Variants in RPTOR observed in about 807,000 individuals in gnomAD.
RPTOR encodes the protein regulatory-associated protein of mTOR.
Under a neutral mutation model 169.9 loss-of-function variants are expected in RPTOR, and 21 were observed. The observed-to-expected ratio is 0.12, with a 90% CI of 0.09 to 0.18. The LOEUF (loss-of-function observed/expected upper bound fraction) is 0.18, where lower values mean the gene tolerates loss of function less well. RPTOR is among the 10% of genes least tolerant of loss of function. RPTOR has a pLI of 1.00. For missense variants in RPTOR, 1,133 were observed against 1,855.9 expected (o/e 0.61, Z 7.16); for synonymous variants, 732 against 753.2 (o/e 0.97, Z 0.46).
At chr17:80,621,731 C>A (rs959971374) in intron 1 of RPTOR, among the ~76,000 whole-genome samples, 2 of 152,254 alleles carry the variant, frequency 1.3e-5, no homozygotes, top group African/African-American at 2.4e-5. Context: ...CACAGGGAGT[C>A]ACCATTGATC....
At chr17:80,735,819 A>T (rs1226965886) in intron 5 of RPTOR, among the ~76,000 whole-genome samples, 3 of 152,102 alleles carry the variant, frequency 2.0e-5, no homozygotes, top group Admixed American at 2.0e-4. Context: ...AGCCATGGAA[A>T]TAGCCTGAGA....
intron 1 of RPTOR, among the ~76,000 whole-genome samples, chr17:80,572,582 G>A (rs554026542): frequency 1.1e-4 from 16 of 152,038 alleles, no homozygotes; most frequent in East Asian, 1.9e-4. Context: ...AAAAGTAGCC[G>A]GGCATGGTGG....
intron 25 of RPTOR, among the ~76,000 whole-genome samples, chr17:80,945,293 T>C (rs1362489618): frequency 9.3e-5 from 14 of 151,242 alleles, no homozygotes; most frequent in Admixed American, 4.6e-4. Flanking sequence ...GGACACTGTC[T>C]TTAAAAAATA....
chr17:80,902,261 A>G (rs1006169150), intron 20 of RPTOR, among the ~76,000 whole-genome samples: 1 of 151,968 alleles, frequency 6.6e-6, no homozygotes, highest in Non-Finnish European at 1.5e-5. Context: ...TTAAAACCGC[A>G]TTTTCTGTAG....
intron 4 of RPTOR, chr17:80,709,151 T>G (rs757904518): frequency 1.1e-6 from 1 of 908,516 alleles, no homozygotes; most frequent in Non-Finnish European, 1.3e-6. Context: ...CACAGGGCAG[T>G]GCCATCTCTC....
At chr17:80,927,711 C>T (rs1007279624) in intron 24 of RPTOR, among the ~76,000 whole-genome samples, 10 of 95,034 alleles carry the variant, frequency 1.1e-4, no homozygotes, top group Non-Finnish European at 1.7e-4. Flanking sequence ...ATGTGTATCT[C>T]GTGTGTGTGT....
At chr17:80,832,606 C>A (rs916033340) in intron 9 of RPTOR, among the ~76,000 whole-genome samples, 3 of 152,166 alleles carry the variant, frequency 2.0e-5, no homozygotes, top group Admixed American at 1.3e-4. Context: ...GAAACAGAAT[C>A]GTGCTCTCCT....
intron 21 of RPTOR, among the ~76,000 whole-genome samples, chr17:80,913,515 C>T (rs901710395): frequency 6.6e-6 from 1 of 152,114 alleles, no homozygotes; most frequent in Non-Finnish European, 1.5e-5. Flanking sequence ...TTCAGTGATC[C>T]AGTCACGGCT....
At chr17:80,575,073 C>A (rs2064949855) in intron 1 of RPTOR, among the ~76,000 whole-genome samples, 1 of 151,932 alleles carries the variant, frequency 6.6e-6, no homozygotes, top group African/African-American at 2.4e-5. Flanking sequence ...TGAGTACTTA[C>A]CTTATTAGTT....
At chr17:80,635,026 C>T (rs2065495399) in intron 2 of RPTOR, among the ~76,000 whole-genome samples, 1 of 152,226 alleles carries the variant, frequency 6.6e-6, no homozygotes, top group Non-Finnish European at 1.5e-5. Flanking sequence ...CCTATTCCAC[C>T]TCATGGGGGT....
chr17:80,618,646 T>C (rs551184010), intron 1 of RPTOR, among the ~76,000 whole-genome samples: 5 of 152,192 alleles, frequency 3.3e-5, no homozygotes, highest in Non-Finnish European at 7.3e-5. Context: ...CAGTGATACA[T>C]AGACAGAATT....
chr17:80,554,560 G>A (rs912346247), intron 1 of RPTOR, among the ~76,000 whole-genome samples: 1 of 152,054 alleles, frequency 6.6e-6, no homozygotes, highest in Non-Finnish European at 1.5e-5. Flanking sequence ...TGGCTAACAC[G>A]ATGAAACCCC....
At chr17:80,865,439 G>A (rs1311951297) in intron 13 of RPTOR, among the ~76,000 whole-genome samples, 1 of 152,190 alleles carries the variant, frequency 6.6e-6, no homozygotes, top group Non-Finnish European at 1.5e-5. Flanking sequence ...TAGATTGAAG[G>A]CAAAAGGACG....
chr17:80,743,186 C>G (rs965718217), intron 5 of RPTOR: 2 of 970,636 alleles, frequency 2.1e-6, no homozygotes, highest in African/African-American at 3.5e-5. Context: ...GTCTTCCCGT[C>G]TCTCTCCTGA....
At chr17:80,546,842 G>A (rs2143190891) in intron 1 of RPTOR, among the ~76,000 whole-genome samples, 1 of 152,282 alleles carries the variant, frequency 6.6e-6, no homozygotes. Flanking sequence ...CCAAAGGCAG[G>A]CGGATCACCT....
At chr17:80,813,278 G>C (rs2067291415) in intron 7 of RPTOR, among the ~76,000 whole-genome samples, 1 of 152,182 alleles carries the variant, frequency 6.6e-6, no homozygotes, top group African/African-American at 2.4e-5. Context: ...AATATCACAG[G>C]AATGCACGTT....
At chr17:80,859,330 G>T (rs972377376) in intron 13 of RPTOR, among the ~76,000 whole-genome samples, 1 of 152,238 alleles carries the variant, frequency 6.6e-6, no homozygotes, top group Non-Finnish European at 1.5e-5. Flanking sequence ...TCTGGGAAGG[G>T]CTCATTTATA....
chr17:80,852,729 C>T (rs2067806642), intron 11 of RPTOR, among the ~76,000 whole-genome samples: 1 of 152,032 alleles, frequency 6.6e-6, no homozygotes, highest in African/African-American at 2.4e-5. Context: ...CCTCATCCTC[C>T]TGCCAGTGCT....
intron 21 of RPTOR, among the ~76,000 whole-genome samples, chr17:80,912,161 C>T (rs968979100): frequency 1.3e-5 from 2 of 152,202 alleles, no homozygotes; most frequent in African/African-American, 4.8e-5. Flanking sequence ...TTTTTACGAA[C>T]ATTAATAAAT....
Sources: allele counts gnomAD v4.1 joint callset (sites outside exome capture counted in the v4.1 genomes callset), GRCh38; gene constraint gnomAD v4.1.1; transcripts MANE v1.5; gene names NCBI Gene and HGNC (gene_info 2026-07-23, HGNC 2026-07-21).